The following SLC14A2 variants were observed in gnomAD, a reference collection of about 807,000 sequenced individuals.
SLC14A2 encodes the protein solute carrier family 14 member 2.
Under a neutral mutation model 104.6 loss-of-function variants are expected in SLC14A2, and 91 were observed. The ratio of observed to expected loss-of-function variants is 0.87; its 90% CI spans 0.73 to 1.04. The LOEUF is 1.04. Ranked by LOEUF, SLC14A2 falls within the 50% of genes least tolerant of loss-of-function variation. The probability of loss-of-function intolerance (pLI) is 0.00; values close to 1 mark genes in which losing one functional copy is unlikely to be tolerated. For missense variants in SLC14A2, 1,189 were observed against 1,156.0 expected, an observed-to-expected ratio of 1.03 and a Z score of -0.41; for synonymous variants, 476 against 466.4, an observed-to-expected ratio of 1.02 and a Z score of -0.27.
chr18:45,551,685 G>A (rs900486922), intron 2 of SLC14A2, among the ~76,000 whole-genome samples: 1 of 152,254 alleles, frequency 6.6e-6, no homozygotes, highest in African/African-American at 2.4e-5. Context: ...AGTGCATGCT[G>A]TGGGAGGGAA....
At chr18:45,455,866 AAG>A (rs2086935312) in intron 1 of SLC14A2, among the ~76,000 whole-genome samples, 1 of 152,154 alleles carries the variant, frequency 6.6e-6, no homozygotes, top group South Asian at 2.1e-4. Context: ...ATATAGGAGA[AAG>A]AGTGATGGAG....
chr18:45,672,766 T>G, intron 16 of SLC14A2, 134 bp from the exon 17 acceptor site: 2 of 718,066 alleles, frequency 2.8e-6, no homozygotes, highest in East Asian at 5.1e-5. Context: ...TTAACCTATT[T>G]GAATAGAAAC....
intron 11 of SLC14A2, among the ~76,000 whole-genome samples, chr18:45,665,534 A>AAAAAAC (rs1182554071): frequency 2.0e-5 from 3 of 152,194 alleles, no homozygotes; most frequent in African/African-American, 4.8e-5. Flanking sequence ...CAATACCTTA[A>AAAAAAC]AAAAACAAAA....
At chr18:45,254,886 C>T (rs1400765610) in intron 1 of SLC14A2, among the ~76,000 whole-genome samples, 1 of 152,142 alleles carries the variant, frequency 6.6e-6, no homozygotes, top group Non-Finnish European at 1.5e-5. Context: ...GAGGGAAGGA[C>T]TTCCCAACCC....
intron 1 of SLC14A2, among the ~76,000 whole-genome samples, chr18:45,422,112 C>T (rs189716861): frequency 6.6e-6 from 1 of 152,282 alleles, no homozygotes. Flanking sequence ...AGGGTCTTGT[C>T]TGTTAGAAAT....
intron 16 of SLC14A2, among the ~76,000 whole-genome samples, chr18:45,671,142 G>A (rs950331914): frequency 6.6e-6 from 1 of 152,230 alleles, no homozygotes; most frequent in Non-Finnish European, 1.5e-5. Flanking sequence ...ATGGGGAAAT[G>A]ATGTCAGAAA....
intron 2 of SLC14A2, among the ~76,000 whole-genome samples, chr18:45,545,913 AGG>A (rs1179618208): frequency 2.0e-5 from 3 of 152,242 alleles, no homozygotes; most frequent in Non-Finnish European, 4.4e-5. Flanking sequence ...TTAAGTTGTT[AGG>A]ACATAAGTAT....
chr18:45,249,671 C>G (rs1223797436), intron 1 of SLC14A2, among the ~76,000 whole-genome samples: 1 of 152,082 alleles, frequency 6.6e-6, no homozygotes, highest in Non-Finnish European at 1.5e-5. Context: ...TCTATTTGGC[C>G]AGGCATGGTG....
At chr18:45,235,777 G>T (rs1452459012) in intron 1 of SLC14A2, among the ~76,000 whole-genome samples, 1 of 147,960 alleles carries the variant, frequency 6.8e-6, no homozygotes, top group African/African-American at 2.5e-5. Context: ...TGGGTGAGTA[G>T]CATTCCAATG....
Position 45,645,768 on chromosome 18 carries a change from C to T in SLC14A2, c.1351+1608C>T, listed in dbSNP as rs190412775. ...ATAGCATAAAAGTAGCCATAGACAA[C>T]GTGTAAATGAATGAGTATGGCTATG... On this transcript the variant is annotated intron_variant, in intron 10 of 19. Transcript: ENST00000255226. Among the ~76,000 whole-genome samples, 241 of 151,834 alleles carry T rather than the reference C, an allele frequency of 1.6e-3. 1 individual carries two copies. Among genetic ancestry groups the T allele is most frequent in the African/African-American group, 5.6e-3 (231 of 41,368 alleles).
intron 1 of SLC14A2, among the ~76,000 whole-genome samples, chr18:45,347,260 G>T (rs1202640494): frequency 6.6e-6 from 1 of 152,118 alleles, no homozygotes; most frequent in Non-Finnish European, 1.5e-5. Flanking sequence ...GGAGGCTGAG[G>T]TGAAAGGATG....
chr18:45,443,642 A>AGTTT (rs374980443), intron 1 of SLC14A2, among the ~76,000 whole-genome samples: 35 of 152,066 alleles, frequency 2.3e-4, no homozygotes, highest in African/African-American at 8.2e-4. Flanking sequence ...ATGGAGTTCT[A>AGTTT]GTTTCTGTGA....
intron 2 of SLC14A2, among the ~76,000 whole-genome samples, chr18:45,516,831 T>TA (rs1449625089): frequency 1.3e-5 from 2 of 152,182 alleles, no homozygotes; most frequent in Non-Finnish European, 2.9e-5. Flanking sequence ...CAGTGGGGGT[T>TA]AAGTTAGTGT....
chr18:45,325,631 A>G lies in SLC14A2; in HGVS notation c.-125+112440A>G, dbSNP rs538597195. Among the ~76,000 whole-genome samples, 27 of 152,298 alleles carry G rather than the reference A, an allele frequency of 1.8e-4. No individual in the cohort carries two copies. The South Asian group carries it at 3.1e-3, about 18-fold the overall frequency. On this transcript the variant is annotated intron_variant, in intron 1 of 20. Transcript: ENST00000586448. ...TTTGTGTAGCACTACCTTCTAGGACATCCATATGCATTATTTTCTTATTTG... is the reference window on the plus strand; with the variant it reads ...TTTGTGTAGCACTACCTTCTAGGACGTCCATATGCATTATTTTCTTATTTG...
rs111663411 is a variant in SLC14A2 at position 45,339,755 on chromosome 18, T to A, written c.-125+126564T>A. 2.6e-5 allele frequency among the ~76,000 whole-genome samples: 4 copies of A among 152,294 alleles called. 1 individual carries two copies. Among genetic ancestry groups the A allele is most frequent in the African/African-American group, 9.6e-5 (4 of 41,562 alleles). On this transcript the variant is annotated intron_variant, in intron 1 of 20. Coordinates refer to the SLC14A2 transcript ENST00000586448. ...AGGTTTTTGGCAGATTGGTGATGCA[T>A]TGGATTCCAGGCTGAGCAGGTTTGA...
At chr18:45,297,725 G>A (rs912862943) in intron 1 of SLC14A2, among the ~76,000 whole-genome samples, 2 of 152,218 alleles carry the variant, frequency 1.3e-5, no homozygotes, top group Non-Finnish European at 2.9e-5. Flanking sequence ...ACATGTTAGA[G>A]TCAGTTCCTG....
At chr18:45,253,046 T>C (rs2084439481) in intron 1 of SLC14A2, among the ~76,000 whole-genome samples, 1 of 152,196 alleles carries the variant, frequency 6.6e-6, no homozygotes, top group South Asian at 2.1e-4. Flanking sequence ...GCTGCATCCA[T>C]CCACCCTACA....
At chr18:45,178,536 G>C in the SLC14A2 span, among the ~76,000 whole-genome samples, 1 of 152,204 alleles carries the variant, frequency 6.6e-6, no homozygotes, top group East Asian at 1.9e-4. Context: ...CCTCTGAGTA[G>C]AAAAAATAGC....
chr18:45,522,144 G>A (rs1034301671), intron 2 of SLC14A2, among the ~76,000 whole-genome samples: 1 of 152,148 alleles, frequency 6.6e-6, no homozygotes, highest in Non-Finnish European at 1.5e-5. Context: ...CTTCACGTGG[G>A]GTTACTGTGG....
Sources: allele counts gnomAD v4.1 joint callset (sites outside exome capture counted in the v4.1 genomes callset), GRCh38; gene constraint gnomAD v4.1.1; transcripts MANE v1.5; gene names NCBI Gene and HGNC (gene_info 2026-07-23, HGNC 2026-07-21).